Variants in SRP72 observed in about 807,000 individuals in gnomAD.
SRP72 encodes signal recognition particle subunit SRP72.
SRP72 carries 49 observed loss-of-function variants against 96.3 expected under a neutral mutation model. The observed-to-expected ratio is 0.51, with a 90% CI of 0.40 to 0.65. The LOEUF is 0.65. SRP72 is among the 30% of genes least tolerant of loss of function. SRP72 has a pLI of 0.00. For missense variants in SRP72, 736 were observed against 793.3 expected, an observed-to-expected ratio of 0.93 and a Z score of 0.87; for synonymous variants, 267 against 275.2, an observed-to-expected ratio of 0.97 and a Z score of 0.30.
Position 56,491,416 on chromosome 4 carries a change from C to A in SRP72, c.1503-15C>A, listed in dbSNP as rs1449595975. On this transcript the variant is annotated splice_polypyrimidine_tract_variant and intron_variant, in intron 15 of 18. Transcript: ENST00000642900. ...TTTGTGTATATTATGTTCCTGAACT[C>A]CTGTTCTATCACAGTCTTAGTAAAC... 2 of 1,611,256 alleles carry A rather than the reference C, an allele frequency of 1.2e-6. No homozygotes were observed. The highest frequency in any genetic ancestry group is 1.7e-5 in the Admixed American group (1 of 59,854).
At chr4:56,474,615 C>T (rs769790554) in intron 5 of SRP72, 3 of 564,234 alleles carry the variant, frequency 5.3e-6, no homozygotes, top group African/African-American at 3.8e-5. Context: ...ACGATCTCGG[C>T]TCACTGCAAC....
In SRP72 at chr4:56,476,679, C is replaced by T. The variant is rs921308577; in HGVS notation, c.619C>T (p.Arg207Cys). The change falls in exon 6 of 19, where the codon CGC (arginine) becomes TGC (cysteine). Residue 207 changes from arginine to cysteine, a missense_variant. Physicochemically the swap from Arg to Cys is radical, Grantham distance 180. This residue lies in a region of SRP72 where 329 missense variants were observed against 319.0 expected (regional missense o/e 1.03). Transcript: ENST00000642900. ...KILQKAEDLC[R>C]RSLSEDTDGT... Reference sequence around the variant, plus strand: ...CAATTTTTCTCCTGTAGATCTTTGCCGCCGTTCATTATCAGAAGACACTGT... The same window carrying T: ...CAATTTTTCTCCTGTAGATCTTTGCTGCCGTTCATTATCAGAAGACACTGT... The T allele has an allele frequency of 8.1e-6, 13 of 1,612,208 alleles. No individual in the cohort carries two copies. Among genetic ancestry groups the T allele is most frequent in the Middle Eastern group, 3.4e-4 (2 of 5,798 alleles).
chr4:56,503,142 C>T lies in SRP72; in HGVS notation c.*1281C>T, dbSNP rs570403033. The T allele has an allele frequency of 3.9e-5, 6 of 152,272 alleles. No individual in the cohort carries two copies. Among genetic ancestry groups the T allele is most frequent in the African/African-American group, 1.2e-4 (5 of 41,562 alleles). 9.4% of individuals were successfully genotyped at this position (152,272 alleles called of 1,614,324 possible). Reference sequence around the variant, plus strand: ...AGAGTTTTTTATGAAAGACTTTCCTCCTTTACAAGAAAGAAATGGGGTGCT... The same window carrying T: ...AGAGTTTTTTATGAAAGACTTTCCTTCTTTACAAGAAAGAAATGGGGTGCT... On this transcript the variant is annotated 3_prime_UTR_variant, in exon 19 of 19. Coordinates refer to ENST00000642900, the MANE Select transcript of SRP72 (RefSeq NM_006947.4).
In SRP72 at chr4:56,490,603, T is replaced by A. The variant is rs1328792939; in HGVS notation, c.1460T>A (p.Leu487His). 1.2e-6 allele frequency: 2 copies of A among 1,613,876 alleles called. No homozygotes were observed. Among genetic ancestry groups the A allele is most frequent in the African/African-American group, 2.7e-5 (2 of 74,930 alleles). The change falls in exon 15 of 19, where the codon CTT becomes CAT. Residue 487 changes from leucine to histidine, a missense_variant. Leu to His is a moderately conservative substitution (Grantham distance 99). Coordinates refer to ENST00000642900, the MANE Select transcript of SRP72 (RefSeq NM_006947.4). ...NPKDIHTLAQ[L>H]ISAYSLVDPE... ...AAAGATATTCACACCCTGGCACAGC[T>A]TATTTCTGCTTACTCACTTGTAGAT...
intron 8 of SRP72, among the ~76,000 whole-genome samples, chr4:56,482,207 C>G (rs1720524249): frequency 6.6e-6 from 1 of 150,796 alleles, no homozygotes; most frequent in African/African-American, 2.4e-5. Flanking sequence ...TTTGGGAGGC[C>G]TAGGTGGGCG....
chr4:56,469,941 T>C (rs1719902548), intron 2 of SRP72, among the ~76,000 whole-genome samples, 168 bp downstream of exon 2: 1 of 151,850 alleles, frequency 6.6e-6, no homozygotes, highest in East Asian at 1.9e-4. Flanking sequence ...GAAGGAATAC[T>C]AGTAACTTCT....
At chr4:56,498,841 C>G (rs946746091) in intron 17 of SRP72, among the ~76,000 whole-genome samples, 2 of 152,010 alleles carry the variant, frequency 1.3e-5, no homozygotes, top group Non-Finnish European at 2.9e-5. Context: ...GCCATACTGC[C>G]TAAAGTAATT....
chr4:56,491,279 T>C, intron 15 of SRP72, 152 bp from the exon 16 acceptor site: 1 of 697,586 alleles, frequency 1.4e-6, no homozygotes, highest in South Asian at 2.2e-5. Flanking sequence ...CTTGTTATTG[T>C]ATAGAAGATT....
intron 17 of SRP72, among the ~76,000 whole-genome samples, chr4:56,500,041 CGAT>C (rs199687147): frequency 0.024 from 3,618 of 152,098 alleles, 126 homozygotes; most frequent in African/African-American, 0.082. Context: ...CCATAAAAAA[CGAT>C]GAGTTCATAT....
At chr4:56,487,794 C>CA (rs2110125208) in intron 11 of SRP72, among the ~76,000 whole-genome samples, 155 bp from the exon 12 acceptor site, 1 of 152,270 alleles carries the variant, frequency 6.6e-6, no homozygotes, top group Admixed American at 6.5e-5. Context: ...TCACCATCCC[C>CA]AAGACCCCAA....
chr4:56,469,674 A>T lies in SRP72; in HGVS notation c.131A>T (p.Asp44Val). ...CTAGTACTACAGATCAACAAAGATGACGTAACTGCCCTGCATTGTAAAGTG... is the reference window on the plus strand; with the variant it reads ...CTAGTACTACAGATCAACAAAGATGTCGTAACTGCCCTGCATTGTAAAGTG... The part of the protein sequence containing the change: ...VNKILQINKD[D>V]VTALHCKVVC... Residue 44 changes from aspartate (D) to valine (V), a missense_variant, in exon 2 of 19, where the codon GAC (aspartate) becomes GTC (valine). Physicochemically the swap from Asp to Val is radical, Grantham distance 152. Coordinates refer to ENST00000642900, the MANE Select transcript of SRP72 (RefSeq NM_006947.4). 1 of 1,606,702 alleles carries T rather than the reference A, an allele frequency of 6.2e-7. No individual in the cohort carries two copies. Among genetic ancestry groups the T allele is most frequent in the Non-Finnish European group, 8.5e-7 (1 of 1,174,668 alleles).
intron 6 of SRP72, 66 bp downstream of exon 6, chr4:56,476,768 CA>C: frequency 6.6e-7 from 1 of 1,526,246 alleles, no homozygotes; most frequent in African/African-American, 1.4e-5. Context: ...ACTGAGGCTT[CA>C]TTGTACTATT....
At chr4:56,492,106 T>C (rs1399891495) in intron 16 of SRP72, among the ~76,000 whole-genome samples, 1 of 152,242 alleles carries the variant, frequency 6.6e-6, no homozygotes, top group Non-Finnish European at 1.5e-5. Context: ...CCCAAAGTGC[T>C]GGGCACCACG....
At position 56,484,779 on chromosome 4, in the gene SRP72, G is replaced by A; in HGVS notation, c.1001G>A (p.Ser334Asn). The A allele has an allele frequency of 6.2e-7, 1 of 1,614,120 alleles. No homozygotes were observed. ...ATATCTGCCAGTTTACAGTCCCAAA[G>A]TCCCGAGCATCTCTTACCTGTGTTA... ...RKISASLQSQ[S>N]PEHLLPVLIQ... Residue 334 changes from serine to asparagine, a missense_variant, in exon 10 of 19, where the codon AGT becomes AAT. Ser to Asn is a conservative substitution (Grantham distance 46, BLOSUM62 1). Around this residue, in one of 3 missense-constraint regions of SRP72, gnomAD observed 388 missense variants for 431.8 expected, o/e 0.90. Transcript: ENST00000642900.
chr4:56,501,710 C>T lies in SRP72; in HGVS notation c.1865C>T (p.Pro622Leu). 2.5e-6 allele frequency: 4 copies of T among 1,613,908 alleles called. No individual in the cohort carries two copies. The highest frequency in any genetic ancestry group is 2.5e-6 in the Non-Finnish European group (3 of 1,179,956). The change falls in exon 19 of 19, where the codon CCA (proline) becomes CTA (leucine). Residue 622 changes from proline (P) to leucine (L), a missense_variant. Around this residue, in one of 3 missense-constraint regions of SRP72, gnomAD observed 388 missense variants for 431.8 expected, o/e 0.90. Transcript: ENST00000642900. ...GATGCCAGTAAAACTGTGAGCAGCC[C>T]ACCCACCTCCCCAAGACCTGGCAGT... The part of the protein sequence containing the change: ...ELDASKTVSS[P>L]PTSPRPGSAA...
chr4:56,491,588 C>T lies in SRP72; in HGVS notation c.1640+20C>T, dbSNP rs762037954. On this transcript the variant is annotated intron_variant, in intron 16 of 18. Coordinates refer to ENST00000642900, the MANE Select transcript of SRP72 (RefSeq NM_006947.4). ...ACAAGGGTAATATTTTTCATTGTAA[C>T]GTTCTCTAATGCTGATTTTAAATTA... is the stretch of plus-strand genomic sequence containing the variant. The T allele has an allele frequency of 1.4e-5, 22 of 1,607,114 alleles. No homozygotes were observed. Among genetic ancestry groups the T allele is most frequent in the South Asian group, 6.7e-5 (6 of 90,218 alleles).
At chr4:56,482,072 A>T (rs1453441299) in intron 8 of SRP72, among the ~76,000 whole-genome samples, 1 of 147,780 alleles carries the variant, frequency 6.8e-6, no homozygotes, top group Non-Finnish European at 1.5e-5. Flanking sequence ...CCATGGTGGT[A>T]TCATTTTTTT....
chr4:56,470,570 T>A (rs1209851078), intron 2 of SRP72, among the ~76,000 whole-genome samples: 2 of 151,336 alleles, frequency 1.3e-5, no homozygotes, highest in East Asian at 3.9e-4. Flanking sequence ...TAGGAGGTAA[T>A]AGGAACAGGT....
intron 17 of SRP72, among the ~76,000 whole-genome samples, chr4:56,499,295 A>G (rs1022501506): frequency 1.3e-5 from 2 of 152,224 alleles, no homozygotes; most frequent in African/African-American, 2.4e-5. Flanking sequence ...AACCTAGGCA[A>G]TACCATTCAG....
Sources: allele counts gnomAD v4.1 joint callset (sites outside exome capture counted in the v4.1 genomes callset), GRCh38; gene constraint gnomAD v4.1.1; regional missense constraint gnomAD v4.1.1; transcripts MANE v1.5; gene names NCBI Gene and HGNC (gene_info 2026-07-23, HGNC 2026-07-21).